The following SERAC1 variants were observed in gnomAD, a reference collection of about 807,000 sequenced individuals.
The protein encoded by SERAC1 is protein SERAC1.
A neutral mutation model predicts 85.7 loss-of-function variants in SERAC1; 36 were observed. That is an observed-to-expected ratio of 0.42 (90% CI 0.32 to 0.55). The LOEUF is 0.55. Among genes scored for constraint, SERAC1 ranks in the 20% least tolerant of loss-of-function variants. The pLI is 0.11. For missense variants in SERAC1, 629 were observed against 796.2 expected (o/e 0.79, Z 2.53); for synonymous variants, 242 against 265.3 (o/e 0.91, Z 0.85).
chr6:158,147,687 G>C (rs1210572245), intron 5 of SERAC1, among the ~76,000 whole-genome samples: 1 of 142,036 alleles, frequency 7.0e-6, no homozygotes, highest in Admixed American at 7.6e-5. Flanking sequence ...GGAGAATGGC[G>C]TGAACCCGGG....
At chr6:158,125,167 C>T (rs1298862574) in intron 10 of SERAC1, among the ~76,000 whole-genome samples, 2 of 152,134 alleles carry the variant, frequency 1.3e-5, no homozygotes, top group Non-Finnish European at 2.9e-5. Flanking sequence ...CAGTGTTCCT[C>T]CCACATTAAT....
intron 13 of SERAC1, 44 bp from the exon 14 acceptor site, chr6:158,116,326 C>T (rs1241515890): frequency 6.7e-7 from 1 of 1,489,404 alleles, no homozygotes; most frequent in Non-Finnish European, 9.4e-7. Flanking sequence ...GGCTATCGAT[C>T]CCCTCAATTT....
chr6:158,113,019 T>C (rs988465431), intron 16 of SERAC1: 3 of 180,218 alleles, frequency 1.7e-5, no homozygotes, highest in African/African-American at 7.0e-5. Context: ...CCCACTGGAA[T>C]ATTTCTGGAG....
intron 10 of SERAC1, among the ~76,000 whole-genome samples, chr6:158,124,754 C>A (rs1266188790): frequency 4.5e-5 from 2 of 44,276 alleles, no homozygotes; most frequent in South Asian, 1.8e-3. Context: ...GGAAAACACA[C>A]ACACACACAC....
chr6:158,128,363 C>T, intron 9 of SERAC1, 93 bp from the exon 10 acceptor site: 1 of 1,245,272 alleles, frequency 8.0e-7, no homozygotes, highest in Non-Finnish European at 1.1e-6. Context: ...CTAGGTAGCT[C>T]CCACTCAAGG....
At chr6:158,151,225 A>C (rs898655212) in intron 3 of SERAC1, 1 of 152,054 alleles carries the variant, frequency 6.6e-6, no homozygotes, top group Admixed American at 6.6e-5. Context: ...TTTGTGTTTC[A>C]TTTTTAACAA....
intron 8 of SERAC1, among the ~76,000 whole-genome samples, chr6:158,135,007 A>G (rs1784759013): frequency 6.6e-6 from 1 of 152,148 alleles, no homozygotes; most frequent in Non-Finnish European, 1.5e-5. Context: ...AATCACCTCT[A>G]TCGTATTCCT....
intron 8 of SERAC1, among the ~76,000 whole-genome samples, chr6:158,132,973 A>G (rs1280092303): frequency 6.6e-6 from 1 of 152,222 alleles, no homozygotes; most frequent in East Asian, 1.9e-4. Context: ...GGAAGTGCAC[A>G]GGAAAAGCTA....
chr6:158,149,059 G>A (rs773116822), intron 4 of SERAC1, 105 bp from the exon 5 acceptor site: 14 of 739,808 alleles, frequency 1.9e-5, no homozygotes, highest in Middle Eastern at 4.0e-4. Flanking sequence ...GCACAATCTC[G>A]GCTCACTGCA....
Position 158,117,786 on chromosome 6 carries a change from A to C in SERAC1, c.1344T>G (p.Ile448Met). 1 of 1,614,124 alleles carries C rather than the reference A, an allele frequency of 6.2e-7. No individual in the cohort carries two copies. The highest frequency in any genetic ancestry group is 8.5e-7 in the Non-Finnish European group (1 of 1,179,986). Residue 448 changes from isoleucine to methionine, a missense_variant, in exon 13 of 17, where the codon ATT becomes ATG. Transcript: ENST00000647468. This position sits in a 1 kb window ranked among gnomAD's most constrained non-coding sequence, Gnocchi z 4.3. The stretch of plus-strand genomic sequence containing the variant: ...GGCTGGTGTCATACTCCACAGATAT[A>C]ATTCGGAGAGCAGGACAGTCTTTTG... Reference protein sequence around the residue: ...WLAKDCPALRIISVEYDTSLS... With the variant: ...WLAKDCPALRMISVEYDTSLS...
Position 158,155,338 on chromosome 6 carries a change from C to T in SERAC1, c.105G>A (p.Lys35=). The T allele has an allele frequency of 1.9e-6, 3 of 1,555,876 alleles. No homozygotes were observed. The South Asian group carries it at 3.4e-5, about 17-fold the overall frequency. ...THWRDIRNII[K]FTGSLILGGS... is the part of the protein sequence containing the mutation. ...ACCCTAAAATAAGTGATCCAGTAAA[C>T]TTTATTATATTTCCTTCAAAAGAAA... Residue 35 remains lysine (K), a synonymous_variant, in exon 3 of 17, where the codon AAG becomes AAA. Coordinates refer to ENST00000647468, the MANE Select transcript of SERAC1 (RefSeq NM_032861.4).
At chr6:158,149,173 T>G (rs570757513) in intron 4 of SERAC1, among the ~76,000 whole-genome samples, 1 of 152,258 alleles carries the variant, frequency 6.6e-6, no homozygotes, top group South Asian at 2.1e-4. Context: ...TTTGTATTTT[T>G]AGTAGAGACA....
At chr6:158,139,603 T>C (rs1249187695) in intron 8 of SERAC1, among the ~76,000 whole-genome samples, 1 of 152,242 alleles carries the variant, frequency 6.6e-6, no homozygotes, top group Non-Finnish European at 1.5e-5. Context: ...CTCACACCTG[T>C]AGCCTCAGCT....
At chr6:158,152,781 C>G (rs567743938) in intron 3 of SERAC1, 1 of 152,208 alleles carries the variant, frequency 6.6e-6, no homozygotes, top group Non-Finnish European at 1.5e-5. Flanking sequence ...CACATGGCTG[C>G]ACAGGTTTGG....
chr6:158,154,843 G>A (rs1785287547), intron 3 of SERAC1, among the ~76,000 whole-genome samples: 1 of 152,172 alleles, frequency 6.6e-6, no homozygotes, highest in Non-Finnish European at 1.5e-5. Context: ...AGAGCTGAGT[G>A]AGTGCCCGAT....
chr6:158,117,654 T>A lies in SERAC1; in HGVS notation c.1403+73A>T. 1 of 1,609,112 alleles carries A rather than the reference T, an allele frequency of 6.2e-7. No individual in the cohort carries two copies. Among genetic ancestry groups the A allele is most frequent in the Non-Finnish European group, 8.5e-7 (1 of 1,177,030 alleles). ...GTGGCATCAAAAAATTAAAATCACT[T>A]CCCATCCAAGAGGACCTAAACTTGC... On this transcript the variant is annotated intron_variant, in intron 13 of 16. Coordinates refer to ENST00000647468, the MANE Select transcript of SERAC1 (RefSeq NM_032861.4). The surrounding 1 kb of genome is among the most constrained non-coding windows in gnomAD (Gnocchi z 4.3).
chr6:158,154,880 C>T (rs1785288964), intron 3 of SERAC1, among the ~76,000 whole-genome samples: 1 of 152,036 alleles, frequency 6.6e-6, no homozygotes, highest in Non-Finnish European at 1.5e-5. Flanking sequence ...TGAGTGAGTG[C>T]CCGATTTAAG....
At chr6:158,147,171 C>CT (rs1785083520) in intron 5 of SERAC1, among the ~76,000 whole-genome samples, 1 of 151,976 alleles carries the variant, frequency 6.6e-6, no homozygotes, top group African/African-American at 2.4e-5. Flanking sequence ...GACAGTCTCG[C>CT]TCTGTTACCC....
At chr6:158,125,559 A>G (rs1384699779) in intron 10 of SERAC1, among the ~76,000 whole-genome samples, 2 of 152,166 alleles carry the variant, frequency 1.3e-5, no homozygotes, top group Non-Finnish European at 1.5e-5. Flanking sequence ...AACTAAAGCA[A>G]CTATTATAAA....
Sources: gnomAD v4.1 joint callset for allele counts (sites outside exome capture counted in the v4.1 genomes callset) on GRCh38, gnomAD v4.1.1 for gene constraint, Gnocchi (gnomAD v3.1) non-coding constraint, MANE v1.5 for transcripts, NCBI Gene and HGNC (gene_info 2026-07-23, HGNC 2026-07-21) for gene names.